The following FSTL4 variants were observed in gnomAD, a reference collection of about 807,000 sequenced individuals.
FSTL4 encodes the protein follistatin-related protein 4.
A neutral mutation model predicts 78.2 loss-of-function variants in FSTL4; 28 were observed. That is an observed-to-expected ratio of 0.36 (90% CI 0.27 to 0.49). The LOEUF (loss-of-function observed/expected upper bound fraction) is 0.49, where lower values mean the gene tolerates loss of function less well. Among genes scored for constraint, FSTL4 ranks in the 20% least tolerant of loss-of-function variants. The probability of loss-of-function intolerance (pLI) is 0.98; values close to 1 mark genes in which losing one functional copy is unlikely to be tolerated. For missense variants in FSTL4, 922 were observed against 1,084.9 expected (o/e 0.85, Z 2.11); for synonymous variants, 422 against 440.5 (o/e 0.96, Z 0.53).
intron 3 of FSTL4, among the ~76,000 whole-genome samples, chr5:133,503,440 T>G (rs1758541908): frequency 6.6e-6 from 1 of 151,556 alleles, no homozygotes; most frequent in African/African-American, 2.4e-5. Flanking sequence ...GTGCACTGGC[T>G]CCGGCACACC....
chr5:133,512,136 T>TCCAAAGC (rs772453643), intron 3 of FSTL4, among the ~76,000 whole-genome samples: 9 of 152,146 alleles, frequency 5.9e-5, no homozygotes, highest in Admixed American at 5.2e-4. Context: ...TCCTCCCTCC[T>TCCAAAGC]CCAAAGCCCA....
chr5:133,781,013 C>T, the FSTL4 span, among the ~76,000 whole-genome samples: 2 of 152,200 alleles, frequency 1.3e-5, no homozygotes, highest in Non-Finnish European at 2.9e-5. Flanking sequence ...AGTCAACCCC[C>T]AACCCAGGTG....
At chr5:133,310,338 C>A (rs578080787) in intron 6 of FSTL4, among the ~76,000 whole-genome samples, 2 of 152,324 alleles carry the variant, frequency 1.3e-5, no homozygotes, top group Admixed American at 6.5e-5. Flanking sequence ...AAATAATAAT[C>A]CAGGAACGAA....
intron 3 of FSTL4, among the ~76,000 whole-genome samples, chr5:133,414,971 T>C (rs1756548296): frequency 6.6e-6 from 1 of 152,248 alleles, no homozygotes; most frequent in Non-Finnish European, 1.5e-5. Context: ...ACACATTTGT[T>C]ACCAATAACC....
chr5:133,470,682 T>C (rs1342942112), intron 3 of FSTL4, among the ~76,000 whole-genome samples: 1 of 150,736 alleles, frequency 6.6e-6, no homozygotes, highest in Non-Finnish European at 1.5e-5. Context: ...GAGGTGGAGG[T>C]TGCAGTGAGC....
intron 3 of FSTL4, among the ~76,000 whole-genome samples, chr5:133,512,618 C>G (rs1350216523): frequency 6.6e-6 from 1 of 152,198 alleles, no homozygotes; most frequent in Non-Finnish European, 1.5e-5. Flanking sequence ...TTTTCAATCT[C>G]TTTTCACTCT....
intron 3 of FSTL4, among the ~76,000 whole-genome samples, chr5:133,546,045 G>A (rs553839712): frequency 1.3e-5 from 2 of 152,318 alleles, no homozygotes; most frequent in Admixed American, 1.3e-4. Flanking sequence ...AGAATATATG[G>A]TAGAAGAAAT....
At chr5:133,654,103 T>C in the FSTL4 span, among the ~76,000 whole-genome samples, 4 of 152,212 alleles carry the variant, frequency 2.6e-5, no homozygotes, top group African/African-American at 9.6e-5. Context: ...GAGGCTTATT[T>C]GAAGCAATTC....
the FSTL4 span, among the ~76,000 whole-genome samples, chr5:133,781,393 GTGTGTGTGTGTGTGTGTGGCGTGTA>G: frequency 6.6e-6 from 1 of 150,892 alleles, no homozygotes; most frequent in Non-Finnish European, 1.5e-5. Flanking sequence ...GTGTGTGTGT[GTGTGTGTGTGTGTGTGTGGCGTGTA>G]TGTGTGTGTA....
chr5:133,445,305 C>T (rs1215329891), intron 3 of FSTL4, among the ~76,000 whole-genome samples: 1 of 152,076 alleles, frequency 6.6e-6, no homozygotes, highest in Non-Finnish European at 1.5e-5. Context: ...CAGGAGTGCT[C>T]CCTCAGATCA....
chr5:133,740,526 C>G, the FSTL4 span, among the ~76,000 whole-genome samples: 2 of 152,200 alleles, frequency 1.3e-5, no homozygotes, highest in Non-Finnish European at 2.9e-5. Flanking sequence ...TTAGGGGATA[C>G]AGAAAATCCA....
chr5:133,475,428 G>A (rs531230888), intron 3 of FSTL4, among the ~76,000 whole-genome samples: 3 of 152,196 alleles, frequency 2.0e-5, no homozygotes, highest in East Asian at 3.8e-4. Flanking sequence ...TCCCTGTACC[G>A]TGCCTCCCCC....
chr5:133,451,539 C>G (rs1294085360), intron 3 of FSTL4, among the ~76,000 whole-genome samples: 1 of 151,938 alleles, frequency 6.6e-6, no homozygotes, highest in Non-Finnish European at 1.5e-5. Flanking sequence ...CTAGCCTGGG[C>G]AACAAGAGCA....
chr5:133,645,547 A>G, the FSTL4 span, among the ~76,000 whole-genome samples: 2 of 152,142 alleles, frequency 1.3e-5, no homozygotes, highest in African/African-American at 4.8e-5. Flanking sequence ...CACTAAGTAT[A>G]GTAGGCTGAC....
intron 3 of FSTL4, among the ~76,000 whole-genome samples, chr5:133,437,111 G>T (rs1471067468): frequency 6.6e-6 from 1 of 152,198 alleles, no homozygotes; most frequent in African/African-American, 2.4e-5. Context: ...AGCACTGGTT[G>T]GAGAATGGTG....
intron 3 of FSTL4, among the ~76,000 whole-genome samples, chr5:133,488,265 C>CTT (rs35114663): frequency 6.6e-6 from 1 of 152,034 alleles, no homozygotes; most frequent in African/African-American, 2.4e-5. Context: ...GACGAGCTCT[C>CTT]TTTTTTTGAG....
chr5:133,345,128 A>ATCTG (rs1030907772), intron 4 of FSTL4, among the ~76,000 whole-genome samples: 2 of 152,056 alleles, frequency 1.3e-5, no homozygotes, highest in African/African-American at 4.8e-5. Flanking sequence ...CACTTTTTAA[A>ATCTG]TCAGAAAGAT....
the FSTL4 span, among the ~76,000 whole-genome samples, chr5:133,754,017 A>G: frequency 2.0e-5 from 3 of 152,166 alleles, no homozygotes; most frequent in South Asian, 6.2e-4. Context: ...ATAGTGGGGA[A>G]CCCAGGCAGG....
rs1285693008 is a variant in FSTL4, at chr5:133,361,541, A to G, written c.409+39197T>C. Among the ~76,000 whole-genome samples the G allele has an allele frequency of 2.6e-5, 4 of 152,170 alleles. No homozygotes were observed. The South Asian group carries it at 6.2e-4, about 24-fold the overall frequency. On this transcript the variant is annotated intron_variant, in intron 4 of 15. Coordinates refer to ENST00000265342, the MANE Select transcript of FSTL4 (RefSeq NM_015082.2). This position sits in a 1 kb window ranked among gnomAD's most constrained non-coding sequence, Gnocchi z 4.3. Reference sequence around the variant, plus strand: ...CACATCTTGGCCAAAACGCATAGGTATCTCTTTCAGAGTCTTCTGCTCTTG... The same window carrying G: ...CACATCTTGGCCAAAACGCATAGGTGTCTCTTTCAGAGTCTTCTGCTCTTG...
Sources: gnomAD v4.1 joint callset for allele counts (sites outside exome capture counted in the v4.1 genomes callset) on GRCh38, gnomAD v4.1.1 for gene constraint, Gnocchi (gnomAD v3.1) non-coding constraint, MANE v1.5 for transcripts, NCBI Gene and HGNC (gene_info 2026-07-23, HGNC 2026-07-21) for gene names.